STXBP5: variants seen among roughly 807,000 people sequenced by gnomAD.
The protein encoded by STXBP5 is syntaxin binding protein 5.
A neutral mutation model predicts 152.4 loss-of-function variants in STXBP5; 50 were observed. The ratio of observed to expected loss-of-function variants is 0.33; its 90% CI spans 0.26 to 0.42. STXBP5 has a LOEUF of 0.42. Ranked by LOEUF, STXBP5 falls within the 10% of genes least tolerant of loss-of-function variation. The pLI, the probability that STXBP5 is intolerant of heterozygous loss-of-function variation, is 1.00. For missense variants in STXBP5, 1,167 were observed against 1,388.6 expected, an observed-to-expected ratio of 0.84 and a Z score of 2.54; for synonymous variants, 492 against 494.7, an observed-to-expected ratio of 0.99 and a Z score of 0.07.
chr6:147,269,468 C>G (rs1470256503), intron 7 of STXBP5, among the ~76,000 whole-genome samples: 1 of 151,726 alleles, frequency 6.6e-6, no homozygotes, highest in Non-Finnish European at 1.5e-5. Context: ...GTCTAGCATC[C>G]AAATAGAAAT....
At chr6:147,245,399 A>G (rs1334048735) in intron 4 of STXBP5, among the ~76,000 whole-genome samples, 1 of 152,202 alleles carries the variant, frequency 6.6e-6, no homozygotes, top group Middle Eastern at 3.2e-3. Flanking sequence ...ATTAGCATGT[A>G]GCTTATTATG....
chr6:147,333,804 G>T (rs1783698853), intron 18 of STXBP5, among the ~76,000 whole-genome samples: 1 of 152,152 alleles, frequency 6.6e-6, no homozygotes, highest in African/African-American at 2.4e-5. Context: ...GTAACTCCTT[G>T]CCCAGCTAGT....
At chr6:147,249,680 G>T (rs1284397714) in intron 4 of STXBP5, among the ~76,000 whole-genome samples, 1 of 151,762 alleles carries the variant, frequency 6.6e-6, no homozygotes, top group African/African-American at 2.4e-5. Context: ...TGACAATTTG[G>T]GGAATTCCTA....
rs538460661 is a variant in STXBP5 at position 147,339,185 on chromosome 6, C to T, written c.2153C>T (p.Ser718Leu). Reference sequence around the variant, plus strand: ...GTTGTCTTCATTTGTGTAGGTTCTTCATCACCACACAATTCAGATGATGAA... The same window carrying T: ...GTTGTCTTCATTTGTGTAGGTTCTTTATCACCACACAATTCAGATGATGAA... ...DRCKSPTSGS[S>L]SPHNSDDEQK... Residue 718 changes from serine (S) to leucine (L), a missense_variant, in exon 20 of 28, where the codon TCA becomes TTA. Around this residue, in one of 3 missense-constraint regions of STXBP5, gnomAD observed 833 missense variants for 986.3 expected, o/e 0.84. Transcript: ENST00000321680. The T allele has an allele frequency of 2.1e-4, 329 of 1,540,004 alleles. No individual in the cohort carries two copies. Among genetic ancestry groups the T allele is most frequent in the Non-Finnish European group, 2.8e-4 (320 of 1,143,090 alleles).
At position 147,373,787 on chromosome 6, in the gene STXBP5, A is replaced by C; in HGVS notation, c.3138A>C (p.Gly1046=). The C allele has an allele frequency of 6.2e-7, 1 of 1,613,894 alleles. No individual in the cohort carries two copies. Among genetic ancestry groups the C allele is most frequent in the Non-Finnish European group, 8.5e-7 (1 of 1,179,870 alleles). ...PVETPEAPNR[G]FFKGLFGGGA... Reference sequence around the variant, plus strand: ...AAACACCTGAAGCACCAAACAGGGGATTCTTTAAAGGCTTATTTGGAGGTG... The same window carrying C: ...AAACACCTGAAGCACCAAACAGGGGCTTCTTTAAAGGCTTATTTGGAGGTG... The change falls in exon 26 of 28, where the codon GGA becomes GGC. Residue 1046 remains glycine, a synonymous_variant. Coordinates refer to ENST00000321680, the MANE Select transcript of STXBP5 (RefSeq NM_001127715.4).
chr6:147,227,569 C>T (rs1777782388), intron 2 of STXBP5, among the ~76,000 whole-genome samples: 1 of 151,990 alleles, frequency 6.6e-6, no homozygotes, highest in African/African-American at 2.4e-5. Context: ...TTCCTTGTTA[C>T]CTTTGTAAAT....
In STXBP5 at chr6:147,305,207, G is replaced by A. The variant is rs552714417; in HGVS notation, c.918-4877G>A. ...TGACATTGTTGCAGCATTTACATAC[G>A]TATTCACAGTTTGTGTTTGTTTGTT... On this transcript the variant is annotated intron_variant, in intron 9 of 27. Coordinates refer to ENST00000321680, the MANE Select transcript of STXBP5 (RefSeq NM_001127715.4). Among the ~76,000 whole-genome samples, 28 of 152,220 alleles carry A rather than the reference G, an allele frequency of 1.8e-4. 1 individual carries two copies. The South Asian group carries it at 2.1e-3, about 11-fold the overall frequency.
At chr6:147,304,190 AAAATG>A (rs1781972050) in intron 9 of STXBP5, among the ~76,000 whole-genome samples, 1 of 152,112 alleles carries the variant, frequency 6.6e-6, no homozygotes, top group East Asian at 1.9e-4. Flanking sequence ...CTAGGAGAAA[AAAATG>A]TTTTCGAGGG....
intron 4 of STXBP5, among the ~76,000 whole-genome samples, chr6:147,242,751 G>A (rs779214643): frequency 2.2e-4 from 33 of 152,124 alleles, no homozygotes; most frequent in Non-Finnish European, 4.4e-4. Context: ...ATCTAGGTTC[G>A]TGTAAGTATG....
intron 21 of STXBP5, among the ~76,000 whole-genome samples, chr6:147,351,199 A>G (rs1288829957): frequency 6.6e-6 from 1 of 152,246 alleles, no homozygotes; most frequent in Non-Finnish European, 1.5e-5. Context: ...ATGTCTCTTA[A>G]GCCCTAGCCC....
At chr6:147,358,528 A>T (rs189985972) in intron 22 of STXBP5, among the ~76,000 whole-genome samples, 1 of 152,182 alleles carries the variant, frequency 6.6e-6, no homozygotes, top group Non-Finnish European at 1.5e-5. Flanking sequence ...TTTGTTTTCA[A>T]TTGTACTTGA....
chr6:147,257,632 C>T (rs1272198149), intron 4 of STXBP5, among the ~76,000 whole-genome samples: 4 of 152,142 alleles, frequency 2.6e-5, no homozygotes, highest in Admixed American at 2.6e-4. Context: ...TTTTGATCCA[C>T]AGCAGTATTT....
chr6:147,381,977 C>T (rs575476265), intron 26 of STXBP5, among the ~76,000 whole-genome samples: 2 of 151,904 alleles, frequency 1.3e-5, no homozygotes, highest in Non-Finnish European at 2.9e-5. Context: ...CACATCCTTA[C>T]GAATAAAGTA....
At chr6:147,243,301 C>T (rs1168990813) in intron 4 of STXBP5, among the ~76,000 whole-genome samples, 1 of 152,082 alleles carries the variant, frequency 6.6e-6, no homozygotes, top group Non-Finnish European at 1.5e-5. Context: ...TGTAGTGTTA[C>T]CTCATTGTTA....
At chr6:147,218,294 C>T (rs1455582298) in intron 2 of STXBP5, among the ~76,000 whole-genome samples, 2 of 152,158 alleles carry the variant, frequency 1.3e-5, no homozygotes, top group Admixed American at 1.3e-4. Flanking sequence ...TAATATCATA[C>T]AGAATATTCT....
At chr6:147,256,670 A>G (rs1779383548) in intron 4 of STXBP5, among the ~76,000 whole-genome samples, 1 of 152,200 alleles carries the variant, frequency 6.6e-6, no homozygotes, top group African/African-American at 2.4e-5. Flanking sequence ...ACGATCAATG[A>G]TAATGGTTTA....
chr6:147,373,879 A>AAT, intron 26 of STXBP5, 37 bp downstream of exon 26: 1 of 1,524,572 alleles, frequency 6.6e-7, no homozygotes, highest in Non-Finnish European at 9.0e-7. Flanking sequence ...ATATATCTAT[A>AAT]AAACAGGAAC....
chr6:147,258,248 C>T (rs371087383), intron 4 of STXBP5, among the ~76,000 whole-genome samples: 1 of 152,056 alleles, frequency 6.6e-6, no homozygotes, highest in Non-Finnish European at 1.5e-5. Flanking sequence ...CTGTTCAGTG[C>T]CATTTGTTTC....
At chr6:147,323,107 TCCTCTACCCTA>T (rs1783021287) in intron 16 of STXBP5, among the ~76,000 whole-genome samples, 1 of 152,048 alleles carries the variant, frequency 6.6e-6, no homozygotes, top group South Asian at 2.1e-4. Context: ...CTTCTTTTCT[TCCTCTACCCTA>T]CCTCTACTCA....
Sources: gnomAD v4.1 joint callset for allele counts (sites outside exome capture counted in the v4.1 genomes callset) on GRCh38, gnomAD v4.1.1 for gene constraint, gnomAD v4.1.1 regional missense constraint, MANE v1.5 for transcripts, NCBI Gene and HGNC (gene_info 2026-07-23, HGNC 2026-07-21) for gene names.